MRPS27: variants seen among roughly 807,000 people sequenced by gnomAD.
The protein encoded by MRPS27 is small ribosomal subunit protein mS27.
MRPS27 carries 43 observed loss-of-function variants against 48.9 expected under a neutral mutation model. The ratio of observed to expected loss-of-function variants is 0.88; its 90% CI spans 0.69 to 1.13. The LOEUF is 1.13. Among genes scored for constraint, MRPS27 ranks in the 50% most tolerant of loss-of-function variants. MRPS27 has a pLI of 0.00. For missense variants in MRPS27, 467 were observed against 476.3 expected, an observed-to-expected ratio of 0.98 and a Z score of 0.18; for synonymous variants, 188 against 171.9, an observed-to-expected ratio of 1.09 and a Z score of -0.73.
chr5:72,290,037 G>A (rs924906743), intron 4 of MRPS27, among the ~76,000 whole-genome samples: 8 of 152,202 alleles, frequency 5.3e-5, no homozygotes, highest in African/African-American at 1.9e-4. Flanking sequence ...ACTAACACAA[G>A]AATGGTTAAA....
intron 4 of MRPS27, among the ~76,000 whole-genome samples, chr5:72,272,516 C>A (rs1259422784): frequency 6.6e-6 from 1 of 152,226 alleles, no homozygotes; most frequent in Non-Finnish European, 1.5e-5. Context: ...CAGGTAGACA[C>A]ATTTCATGTG....
intron 4 of MRPS27, among the ~76,000 whole-genome samples, chr5:72,286,063 C>G (rs1749663294): frequency 6.6e-6 from 1 of 152,198 alleles, no homozygotes; most frequent in South Asian, 2.1e-4. Flanking sequence ...CAAAATCAGT[C>G]TCTTCCCTCA....
intron 4 of MRPS27, 21 bp from the exon 5 acceptor site, chr5:72,238,149 A>G: frequency 6.5e-7 from 1 of 1,538,780 alleles, no homozygotes; most frequent in Non-Finnish European, 9.0e-7. Flanking sequence ...ACAAGAAGAG[A>G]GAAAACTGGT....
chr5:72,258,608 T>A (rs775853650), intron 4 of MRPS27, among the ~76,000 whole-genome samples: 1 of 152,078 alleles, frequency 6.6e-6, no homozygotes, highest in Non-Finnish European at 1.5e-5. Context: ...GGAAGTGGGT[T>A]TGCTTTCTCT....
At chr5:72,297,509 A>G in intron 3 of MRPS27, 123 bp downstream of exon 3, 2 of 597,258 alleles carry the variant, frequency 3.3e-6, no homozygotes, top group Non-Finnish European at 5.7e-6. Flanking sequence ...ATAAAAACTT[A>G]CCATACTCTC....
intron 8 of MRPS27, 75 bp downstream of exon 8, chr5:72,228,191 A>G: frequency 1.5e-6 from 2 of 1,295,016 alleles, no homozygotes; most frequent in Non-Finnish European, 2.2e-6. Context: ...ATCAAATTAC[A>G]ATTTTATTAT....
At chr5:72,226,016 C>T in intron 9 of MRPS27, 41 bp downstream of exon 9, 1 of 1,580,078 alleles carries the variant, frequency 6.3e-7, no homozygotes, top group Non-Finnish European at 8.7e-7. Flanking sequence ...TTATGGGAAA[C>T]AGATGGCTAA....
At chr5:72,234,026 T>G in intron 6 of MRPS27, 93 bp downstream of exon 6, 1 of 1,291,646 alleles carries the variant, frequency 7.7e-7, no homozygotes, top group Non-Finnish European at 1.0e-6. Context: ...GAGATGTTAT[T>G]AAGAAATAAA....
chr5:72,241,661 T>G, intron 4 of MRPS27: 5 of 1,535,538 alleles, frequency 3.3e-6, no homozygotes, highest in Non-Finnish European at 4.4e-6. Context: ...AATAATTCTG[T>G]GGATTGCTGG....
intron 4 of MRPS27, among the ~76,000 whole-genome samples, chr5:72,289,330 T>C (rs1232490743): frequency 1.3e-5 from 2 of 152,214 alleles, no homozygotes; most frequent in African/African-American, 4.8e-5. Flanking sequence ...CATCTTCCAC[T>C]GAGCTTTGCA....
chr5:72,225,468 G>A (rs960546938), intron 9 of MRPS27, among the ~76,000 whole-genome samples: 12 of 152,272 alleles, frequency 7.9e-5, no homozygotes, highest in Non-Finnish European at 1.6e-4. Context: ...CCTGGAGTTC[G>A]AGCAACCTCA....
At chr5:72,267,052 G>A (rs1369603466) in intron 4 of MRPS27, among the ~76,000 whole-genome samples, 1 of 152,130 alleles carries the variant, frequency 6.6e-6, no homozygotes, top group African/African-American at 2.4e-5. Context: ...CTTTTCCAGA[G>A]CACTTCTACA....
chr5:72,270,997 T>A (rs551947885), intron 4 of MRPS27, among the ~76,000 whole-genome samples: 13 of 152,140 alleles, frequency 8.5e-5, no homozygotes, highest in African/African-American at 2.9e-4. Flanking sequence ...CTCAACCCAA[T>A]AAAGGGCATC....
chr5:72,220,899 G>A lies in MRPS27; in HGVS notation c.*10C>T, dbSNP rs377574757. On this transcript the variant is annotated 3_prime_UTR_variant, in exon 11 of 11. Coordinates refer to ENST00000261413, the MANE Select transcript of MRPS27 (RefSeq NM_015084.3). ...TTCTTGTGAGACAGGTGGGGCCCTG[G>A]GGGACCCTATTAGGCAGATGCCTTT... The A allele has an allele frequency of 6.2e-7, 1 of 1,613,902 alleles. No homozygotes were observed. The highest frequency in any genetic ancestry group is 1.7e-5 in the Admixed American group (1 of 60,016).
At chr5:72,303,235 T>A (rs143801954) in intron 2 of MRPS27, among the ~76,000 whole-genome samples, 3 of 152,208 alleles carry the variant, frequency 2.0e-5, no homozygotes. Flanking sequence ...CACCTGTACA[T>A]TGGTCAAAAC....
chr5:72,268,467 C>T (rs1005570697), intron 4 of MRPS27, among the ~76,000 whole-genome samples: 1 of 152,182 alleles, frequency 6.6e-6, no homozygotes, highest in East Asian at 1.9e-4. Flanking sequence ...AGTGTACTTT[C>T]AGGAGGATGA....
chr5:72,276,932 G>A (rs1015987106), intron 4 of MRPS27, among the ~76,000 whole-genome samples: 1 of 152,138 alleles, frequency 6.6e-6, no homozygotes, highest in Admixed American at 6.5e-5. Flanking sequence ...TTGGGAGGCT[G>A]AGGCAGGAGA....
intron 4 of MRPS27, among the ~76,000 whole-genome samples, chr5:72,239,991 A>G (rs1338188394): frequency 6.6e-6 from 1 of 152,218 alleles, no homozygotes; most frequent in African/African-American, 2.4e-5. Context: ...TTTAAAGAAA[A>G]AAGTCAAGTG....
chr5:72,237,571 A>C (rs551864730), intron 5 of MRPS27, among the ~76,000 whole-genome samples: 1 of 152,180 alleles, frequency 6.6e-6, no homozygotes, highest in African/African-American at 2.4e-5. Context: ...GAATGTAAGT[A>C]AGACTCAACT....
Sources: allele counts gnomAD v4.1 joint callset (sites outside exome capture counted in the v4.1 genomes callset), GRCh38; gene constraint gnomAD v4.1.1; transcripts MANE v1.5; gene names NCBI Gene and HGNC (gene_info 2026-07-23, HGNC 2026-07-21).